MATN2: variants seen among roughly 807,000 people sequenced by gnomAD.
MATN2 encodes matrilin 2.
A neutral mutation model predicts 103.2 loss-of-function variants in MATN2; 69 were observed. That is an observed-to-expected ratio of 0.67 (90% CI 0.55 to 0.82). The LOEUF (loss-of-function observed/expected upper bound fraction) is 0.82. Among genes scored for constraint, MATN2 ranks in the 40% least tolerant of loss-of-function variants. MATN2 has a pLI of 0.00. For missense variants in MATN2, 1,023 were observed against 1,211.5 expected, an observed-to-expected ratio of 0.84 and a Z score of 2.31; for synonymous variants, 429 against 450.2, an observed-to-expected ratio of 0.95 and a Z score of 0.60.
intron 10 of MATN2, among the ~76,000 whole-genome samples, chr8:98,011,839 G>A (rs191081929): frequency 1.3e-5 from 2 of 152,216 alleles, no homozygotes; most frequent in East Asian, 1.9e-4. Context: ...CTGTTGCTGC[G>A]CCACAGACTT....
intron 2 of MATN2, among the ~76,000 whole-genome samples, chr8:97,910,678 T>C (rs1439045471): frequency 6.6e-6 from 1 of 152,172 alleles, no homozygotes; most frequent in East Asian, 1.9e-4. Context: ...CATTGGTTGT[T>C]TCCTGTAGCA....
In MATN2 at chr8:98,007,748, A is replaced by ACCAAGGC; in HGVS notation, c.1573+147_1573+148insCCAAGGC. On this transcript the variant is annotated intron_variant, in intron 10 of 18. Coordinates refer to ENST00000254898, the MANE Select transcript of MATN2 (RefSeq NM_002380.5). This position sits in a 1 kb window ranked among gnomAD's most constrained non-coding sequence, Gnocchi z 4.2. The stretch of plus-strand genomic sequence containing the variant: ...ATGTGTGTGACAGCATCTCTTAGCC[A>ACCAAGGC]TTAAGCCTTGGTGGCTGCTTCACCA... 1 of 1,019,878 alleles carries ACCAAGGC rather than the reference A, an allele frequency of 9.8e-7. No homozygotes were observed. The allele number at this position is 1,019,878 out of a possible 1,614,324, so 63.2% of individuals were successfully genotyped here.
chr8:97,887,058 A>AT (rs1188568047), intron 1 of MATN2, among the ~76,000 whole-genome samples: 1 of 151,666 alleles, frequency 6.6e-6, no homozygotes, highest in African/African-American at 2.4e-5. Flanking sequence ...CACCTGGCTA[A>AT]TTTTTGTATT....
At chr8:97,973,744 A>G (rs1308657141) in intron 5 of MATN2, among the ~76,000 whole-genome samples, 1 of 151,772 alleles carries the variant, frequency 6.6e-6, no homozygotes, top group African/African-American at 2.4e-5. Context: ...TAATTTTTGT[A>G]TTTTTTGTAG....
intron 6 of MATN2, among the ~76,000 whole-genome samples, chr8:97,985,123 G>A (rs186781767): frequency 3.9e-5 from 6 of 152,250 alleles, no homozygotes; most frequent in Admixed American, 2.6e-4. Flanking sequence ...TTCTGCTGGC[G>A]GGAAGACTGG....
chr8:97,994,624 A>C, intron 7 of MATN2, 22 bp downstream of exon 7: 1 of 1,605,544 alleles, frequency 6.2e-7, no homozygotes, highest in Non-Finnish European at 8.5e-7. Flanking sequence ...TGGGAGTTGG[A>C]GAAGGGCTTG....
chr8:97,905,900 A>G (rs1229770524), intron 2 of MATN2, among the ~76,000 whole-genome samples: 2 of 152,224 alleles, frequency 1.3e-5, no homozygotes, highest in East Asian at 1.9e-4. Context: ...GGCTCAAGCA[A>G]TCCACCTGCC....
chr8:97,999,015 A>G (rs1812695319), intron 7 of MATN2, among the ~76,000 whole-genome samples: 1 of 152,040 alleles, frequency 6.6e-6, no homozygotes, highest in Admixed American at 6.6e-5. Context: ...CTCCTCCTCC[A>G]TCTCCTGGCA....
rs551105863 is a variant in MATN2, at chr8:97,947,775, A to G, written c.835+5876A>G. 1.9e-3 allele frequency among the ~76,000 whole-genome samples: 288 copies of G among 152,324 alleles called. 3 individuals carry two copies. The highest frequency in any genetic ancestry group is 8.4e-3 in the Admixed American group (129 of 15,304). On this transcript the variant is annotated intron_variant, in intron 4 of 18. Transcript: ENST00000254898. ...ATCGACAACTGATTTTAAAATATAC[A>G]TGAACATGCAAAAAAACTAGAATAG... is the stretch of plus-strand genomic sequence containing the variant.
chr8:98,032,922 T>C, intron 16 of MATN2, 120 bp from the exon 17 acceptor site: 1 of 804,098 alleles, frequency 1.2e-6, no homozygotes, highest in Non-Finnish European at 1.8e-6. Context: ...TGCTTCAGTA[T>C]GTCCCAAAGT....
chr8:97,890,867 G>A (rs576854853), intron 2 of MATN2, among the ~76,000 whole-genome samples: 1 of 152,212 alleles, frequency 6.6e-6, no homozygotes, highest in East Asian at 1.9e-4. Context: ...TGTTTCTTAG[G>A]TTAATTTTTT....
chr8:97,912,528 G>C (rs1809482941), intron 2 of MATN2, among the ~76,000 whole-genome samples: 1 of 152,196 alleles, frequency 6.6e-6, no homozygotes, highest in African/African-American at 2.4e-5. Flanking sequence ...TGCCAAGTAA[G>C]AATGGAGGAA....
chr8:97,980,446 C>T (rs543080927), intron 6 of MATN2, among the ~76,000 whole-genome samples: 1 of 152,232 alleles, frequency 6.6e-6, no homozygotes, highest in South Asian at 2.1e-4. Context: ...TGGTTCTAAT[C>T]CCAGCTTCTC....
At chr8:98,013,011 C>T (rs1563726028) in intron 10 of MATN2, among the ~76,000 whole-genome samples, 2 of 152,178 alleles carry the variant, frequency 1.3e-5, no homozygotes. Context: ...TACTGTGGTG[C>T]CCACCATAGT....
Position 97,913,765 on chromosome 8 carries a change from C to T in MATN2, c.143-17188C>T, listed in dbSNP as rs551588347. ...AAGTAGCTGGGACTACAGGCACGTG[C>T]CACCACGCCCAGCTAATGTTTGTAT... is the stretch of plus-strand genomic sequence containing the variant. On this transcript the variant is annotated intron_variant, in intron 2 of 18. Transcript: ENST00000254898. Among the ~76,000 whole-genome samples, 3 of 152,094 alleles carry T rather than the reference C, an allele frequency of 2.0e-5. No individual in the cohort carries two copies. The South Asian group carries it at 6.2e-4, about 32-fold the overall frequency.
intron 4 of MATN2, among the ~76,000 whole-genome samples, chr8:97,943,777 A>G (rs1316941556): frequency 6.6e-6 from 1 of 152,220 alleles, no homozygotes; most frequent in Non-Finnish European, 1.5e-5. Context: ...TAGGAGCACA[A>G]GGAATTCCTC....
At chr8:97,967,577 G>A (rs1469597124) in intron 5 of MATN2, among the ~76,000 whole-genome samples, 2 of 152,238 alleles carry the variant, frequency 1.3e-5, no homozygotes, top group African/African-American at 2.4e-5. Context: ...ACCCAGAAGG[G>A]CAGCCATTAC....
At chr8:97,904,857 C>A (rs962362422) in intron 2 of MATN2, among the ~76,000 whole-genome samples, 1 of 152,154 alleles carries the variant, frequency 6.6e-6, no homozygotes, top group African/African-American at 2.4e-5. Flanking sequence ...GGGTAGACTT[C>A]AGTGGCTCCA....
chr8:98,006,262 T>A (rs1332426944), intron 8 of MATN2, among the ~76,000 whole-genome samples: 1 of 152,210 alleles, frequency 6.6e-6, no homozygotes, highest in African/African-American at 2.4e-5. Flanking sequence ...TAGAAATTGA[T>A]TTCATGGAGA....
Sources: gnomAD v4.1 joint callset for allele counts (sites outside exome capture counted in the v4.1 genomes callset) on GRCh38, gnomAD v4.1.1 for gene constraint, Gnocchi (gnomAD v3.1) non-coding constraint, MANE v1.5 for transcripts, NCBI Gene and HGNC (gene_info 2026-07-23, HGNC 2026-07-21) for gene names.